The following MYO15A variants were observed in gnomAD, a reference collection of about 807,000 sequenced individuals.
The protein encoded by MYO15A is myosin XVA, also known as unconventional myosin-XV.
A neutral mutation model predicts 394.6 loss-of-function variants in MYO15A; 308 were observed. That is an observed-to-expected ratio of 0.78 (90% confidence interval 0.71 to 0.86). The LOEUF is 0.86. Among genes scored for constraint, MYO15A ranks in the 40% least tolerant of loss-of-function variants. The pLI is 0.00. For missense variants in MYO15A, 4,606 were observed against 4,799.1 expected, an observed-to-expected ratio of 0.96 and a Z score of 1.19; for synonymous variants, 1,957 against 2,003.8, an observed-to-expected ratio of 0.98 and a Z score of 0.62.
rs771434501 is a variant in MYO15A at position 18,132,450 on chromosome 17, C to G, written c.4207-3C>G. ...TCTCTGTGCCCACCTACCCACTCTACAGGCCAAAAACGAGAGGAATTACCA... is the reference window on the plus strand; with the variant it reads ...TCTCTGTGCCCACCTACCCACTCTAGAGGCCAAAAACGAGAGGAATTACCA... On this transcript the variant is annotated splice_polypyrimidine_tract_variant and splice_region_variant and intron_variant, in intron 10 of 65. Transcript: ENST00000647165. This position sits in a 1 kb window ranked among gnomAD's most constrained non-coding sequence, Gnocchi z 4.6. The G allele has an allele frequency of 3.1e-6, 5 of 1,613,592 alleles. No individual in the cohort carries two copies. Among genetic ancestry groups the G allele is most frequent in the Non-Finnish European group, 4.2e-6 (5 of 1,179,918 alleles).
At position 18,132,612 on chromosome 17, in the gene MYO15A, A is replaced by C. The variant is rs1567636016; in HGVS notation, c.4320+46A>C. 1.3e-6 allele frequency: 2 copies of C among 1,524,758 alleles called. No individual in the cohort carries two copies. Among genetic ancestry groups the C allele is most frequent in the East Asian group, 2.2e-5 (1 of 44,480 alleles). 94.5% of individuals were successfully genotyped at this position (1,524,758 alleles called of 1,614,324 possible). A position where few individuals can be genotyped will look rare whatever the true frequency, so the allele number is the denominator to read the frequency against. On this transcript the variant is annotated intron_variant, in intron 11 of 65. Transcript: ENST00000647165. This position sits in a 1 kb window ranked among gnomAD's most constrained non-coding sequence, Gnocchi z 4.6. ...GAAGGCCCCTGGCCCTGGTCCTCCC[A>C]CCCCGACGCCCCTGGCTGGGCCTTG...
In MYO15A at chr17:18,117,082, A is replaced by G. The variant is rs1189155081; in HGVS notation, c.-219-1500A>G. Among the ~76,000 whole-genome samples the G allele has an allele frequency of 1.3e-5, 2 of 152,086 alleles. No homozygotes were observed. Among genetic ancestry groups the G allele is most frequent in the Non-Finnish European group, 2.9e-5 (2 of 68,002 alleles). On this transcript the variant is annotated intron_variant, in intron 1 of 65. Coordinates refer to ENST00000647165, the MANE Select transcript of MYO15A (RefSeq NM_016239.4). This position sits in a 1 kb window ranked among gnomAD's most constrained non-coding sequence, Gnocchi z 4.1. Reference sequence around the variant, plus strand: ...TGCACGTATCCCCTAACTCGCTCCAAAAGCCCTCCATCCAATTTCTCTGGT... The same window carrying G: ...TGCACGTATCCCCTAACTCGCTCCAGAAGCCCTCCATCCAATTTCTCTGGT...
rs2046588667 is a variant in MYO15A, at chr17:18,151,844, A to G, written c.7788-2A>G. ...CCCACCACAGTACTCCAATGCCCAC[A>G]GGAAGGATGGCGGGAAAGTGTTCAT... On this transcript the variant is annotated splice_acceptor_variant, in intron 40 of 65. Coordinates refer to ENST00000647165, the MANE Select transcript of MYO15A (RefSeq NM_016239.4). LOFTEE classifies it high-confidence loss of function. 1.3e-6 allele frequency: 2 copies of G among 1,573,066 alleles called. No individual in the cohort carries two copies. Among genetic ancestry groups the G allele is most frequent in the South Asian group, 1.2e-5 (1 of 85,450 alleles).
In MYO15A at chr17:18,119,101, G is replaced by A. The variant is rs1488202625; in HGVS notation, c.301G>A (p.Gly101Ser). ...RMGKKKRAMK[G>S]KKPSFMVIRF... The stretch of plus-strand genomic sequence containing the variant: ...GGGCAAGAAGAAGCGGGCGATGAAG[G>A]GCAAGAAGCCGTCCTTCATGGTGAT... Residue 101 changes from glycine (G) to serine (S), a missense_variant, in exon 2 of 66, where the codon GGC becomes AGC. Physicochemically the swap from Gly to Ser is moderately conservative, Grantham distance 56. Around this residue, in one of 2 missense-constraint regions of MYO15A, gnomAD observed 1,830 missense variants for 1,689.7 expected, o/e 1.08. Transcript: ENST00000647165. The A allele has an allele frequency of 1.2e-6, 2 of 1,611,920 alleles. No individual in the cohort carries two copies. Among genetic ancestry groups the A allele is most frequent in the African/African-American group, 1.3e-5 (1 of 74,938 alleles).
chr17:18,164,873 C>CT lies in MYO15A; in HGVS notation c.9787+1037dup, dbSNP rs2046830054. ...AAAAAAAAAAAGCCAGGTGTGGTGGCTTGCACCTTTAATCCCAGCACTCTG... is the reference window on the plus strand; with the variant it reads ...AAAAAAAAAAAGCCAGGTGTGGTGGCTTTGCACCTTTAATCCCAGCACTCTG... On this transcript the variant is annotated intron_variant, in intron 60 of 65. Coordinates refer to ENST00000647165, the MANE Select transcript of MYO15A (RefSeq NM_016239.4). 3.6e-5 allele frequency: 5 copies of CT among 137,736 alleles called. No individual in the cohort carries two copies. The South Asian group carries it at 1.2e-3, about 34-fold the overall frequency. 8.5% of individuals were successfully genotyped at this position (137,736 alleles called of 1,614,324 possible). A position where few individuals can be genotyped will look rare whatever the true frequency, so the allele number is the denominator to read the frequency against.
At chr17:18,111,999 C>G (rs774578495) in intron 1 of MYO15A, among the ~76,000 whole-genome samples, 1 of 152,210 alleles carries the variant, frequency 6.6e-6, no homozygotes, top group Non-Finnish European at 1.5e-5. Flanking sequence ...CTCTGAGAGG[C>G]AGGTTCTTCA....
chr17:18,118,484 C>T (rs901404529), intron 1 of MYO15A, 98 bp from the exon 2 acceptor site: 3 of 421,464 alleles, frequency 7.1e-6, no homozygotes, highest in African/African-American at 6.0e-5. Context: ...GTTGCCATGA[C>T]GACTCCGAGG....
intron 60 of MYO15A, among the ~76,000 whole-genome samples, chr17:18,165,672 G>A (rs181350352): frequency 1.0e-3 from 152 of 152,318 alleles, no homozygotes; most frequent in Non-Finnish European, 1.4e-3. Context: ...TAAGTTCTAG[G>A]GATTAGGACC....
chr17:18,148,083 C>A lies in MYO15A; in HGVS notation c.6564C>A (p.Leu2188=). The part of the protein sequence containing the change: ...NGFQAVCQHR[L]MQAMGRAQQQ... Reference sequence around the variant, plus strand: ...TCCAGGCTGTGTGTCAGCACCGCCTCATGCAGGCCATGGGCCGGGCCCAAC... The same window carrying A: ...TCCAGGCTGTGTGTCAGCACCGCCTAATGCAGGCCATGGGCCGGGCCCAAC... Residue 2188 remains leucine, a synonymous_variant, in exon 31 of 66, where the codon CTC becomes CTA. Transcript: ENST00000647165. This position sits in a 1 kb window ranked among gnomAD's most constrained non-coding sequence, Gnocchi z 4.8. 6.2e-7 allele frequency: 1 copy of A among 1,613,942 alleles called. No individual in the cohort carries two copies. The highest frequency in any genetic ancestry group is 1.3e-5 in the African/African-American group (1 of 75,068).
chr17:18,163,851 A>C lies in MYO15A; in HGVS notation c.9787+13A>C, dbSNP rs1313321310. ...GTCACCAACCGTGGTGAGTGCCAGG[A>C]AGACTGAGCATGCTGGGCCCATTCC... On this transcript the variant is annotated intron_variant, in intron 60 of 65. Coordinates refer to ENST00000647165, the MANE Select transcript of MYO15A (RefSeq NM_016239.4). 1.2e-6 allele frequency: 2 copies of C among 1,611,364 alleles called. No individual in the cohort carries two copies. The highest frequency in any genetic ancestry group is 1.7e-6 in the Non-Finnish European group (2 of 1,178,470).
Position 18,119,622 on chromosome 17 carries a change from C to T in MYO15A, c.822C>T (p.Tyr274=), listed in dbSNP as rs556328163. 5 of 1,603,156 alleles carry T rather than the reference C, an allele frequency of 3.1e-6. No homozygotes were observed. Among genetic ancestry groups the T allele is most frequent in the African/African-American group, 1.3e-5 (1 of 75,014 alleles). The change falls in exon 2 of 66, where the codon TAC becomes TAT. Residue 274 remains tyrosine (Y), a synonymous_variant. Coordinates refer to ENST00000647165, the MANE Select transcript of MYO15A (RefSeq NM_016239.4). Reference sequence around the variant, plus strand: ...CCTACAGCCCGGCCTGGCCACCCTACGGCGACCACTACTACGGGTACCCGC... The same window carrying T: ...CCTACAGCCCGGCCTGGCCACCCTATGGCGACCACTACTACGGGTACCCGC... ...LGPYSPAWPP[Y]GDHYYGYPPE...
rs751800816 is a variant in MYO15A, at chr17:18,125,218, G to A, written c.3743G>A (p.Arg1248Gln). 2.4e-5 allele frequency: 39 copies of A among 1,613,982 alleles called. No individual in the cohort carries two copies. The African/African-American group carries it at 2.5e-4, about 10-fold the overall frequency. ...VLSNLKIRFE[R>Q]NLIYTYIGSI... ...TCCAACCTCAAGATTAGATTTGAAC[G>A]GAACCTCATCTACGTAAGGCCTGGG... The change falls in exon 4 of 66, where the codon CGG (arginine) becomes CAG (glutamine). Residue 1248 changes from arginine (R) to glutamine (Q), a missense_variant. Transcript: ENST00000647165.
chr17:18,155,389 G>C lies in MYO15A; in HGVS notation c.8416G>C (p.Gly2806Arg), dbSNP rs1459302647. 6.2e-7 allele frequency: 1 copy of C among 1,613,664 alleles called. No individual in the cohort carries two copies. Among genetic ancestry groups the C allele is most frequent in the Admixed American group, 1.7e-5 (1 of 60,030 alleles). The stretch of plus-strand genomic sequence containing the variant: ...CAAACTCCTGAGGATGGTCAAGGGT[G>C]GCCAGGAGGCCGGCGGGCAGCTGCG... ...GIKLLRMVKGGQEAGGQLRVL... is the reference protein window; with the variant it reads ...GIKLLRMVKGRQEAGGQLRVL... Residue 2806 changes from glycine to arginine, a missense_variant, in exon 47 of 66, where the codon GGC becomes CGC. Transcript: ENST00000647165.
At chr17:18,172,580 C>T in intron 64 of MYO15A, 1 of 479,662 alleles carries the variant, frequency 2.1e-6, no homozygotes, top group Admixed American at 3.3e-5. Flanking sequence ...TAAAAGACCA[C>T]AGACTGAGTA....
rs1311965225 is a variant in MYO15A, at chr17:18,117,966, G to A, written c.-219-616G>A. Reference sequence around the variant, plus strand: ...GAAACTGAGGCCCAGAGAGGACAAGGACTTTCCTGGACCCACACAGCCAGT... The same window carrying A: ...GAAACTGAGGCCCAGAGAGGACAAGAACTTTCCTGGACCCACACAGCCAGT... On this transcript the variant is annotated intron_variant, in intron 1 of 65. Transcript: ENST00000647165. This position sits in a 1 kb window ranked among gnomAD's most constrained non-coding sequence, Gnocchi z 4.1. Among the ~76,000 whole-genome samples the A allele has an allele frequency of 1.3e-5, 2 of 152,072 alleles. No individual in the cohort carries two copies. Among genetic ancestry groups the A allele is most frequent in the African/African-American group, 4.8e-5 (2 of 41,378 alleles).
chr17:18,126,292 G>T, intron 4 of MYO15A, 55 bp from the exon 5 acceptor site: 2 of 1,395,780 alleles, frequency 1.4e-6, no homozygotes, highest in Non-Finnish European at 1.0e-6. Flanking sequence ...AGGGGAGGGA[G>T]GGACATAGAG....
In MYO15A at chr17:18,157,141, G is replaced by T; in HGVS notation, c.8714-15G>T. 1 of 1,610,594 alleles carries T rather than the reference G, an allele frequency of 6.2e-7. No individual in the cohort carries two copies. Among genetic ancestry groups the T allele is most frequent in the Non-Finnish European group, 8.5e-7 (1 of 1,178,368 alleles). ...GGGCCTCCCTGGCAGATGCTGACCC[G>T]AGCCTGGCCCATAGGCTACAGTGCT... On this transcript the variant is annotated splice_polypyrimidine_tract_variant and intron_variant, in intron 49 of 65. Coordinates refer to ENST00000647165, the MANE Select transcript of MYO15A (RefSeq NM_016239.4).
Position 18,124,851 on chromosome 17 carries a change from G to A in MYO15A, c.3692+286G>A, listed in dbSNP as rs962273751. ...AATGGGAGTGGGATGGCTGTTGTGAGGATGCCAGCACATTGGAGGTACTCA... is the reference window on the plus strand; with the variant it reads ...AATGGGAGTGGGATGGCTGTTGTGAAGATGCCAGCACATTGGAGGTACTCA... On this transcript the variant is annotated intron_variant, in intron 3 of 65. Transcript: ENST00000647165. The A allele has an allele frequency of 8.5e-6, 5 of 585,326 alleles. No homozygotes were observed. In the African/African-American group the frequency reaches 9.3e-5, roughly 11 times the overall value. 36.3% of individuals were successfully genotyped at this position (585,326 alleles called of 1,614,324 possible).
rs2046388717 is a variant in MYO15A, at chr17:18,141,853, G to C, written c.5649+83G>C. ...TACTGAGTCAGAAATGTCCAAGCTAGAGACTGCCATCCCAGGAGCAACCCA... is the reference window on the plus strand; with the variant it reads ...TACTGAGTCAGAAATGTCCAAGCTACAGACTGCCATCCCAGGAGCAACCCA... On this transcript the variant is annotated intron_variant, in intron 23 of 65. Coordinates refer to ENST00000647165, the MANE Select transcript of MYO15A (RefSeq NM_016239.4). 2.7e-6 allele frequency: 4 copies of C among 1,458,346 alleles called. No homozygotes were observed. In the Admixed American group the frequency reaches 6.7e-5, roughly 24 times the overall value. The allele number at this position is 1,458,346 out of a possible 1,614,324, so 90.3% of individuals were successfully genotyped here. A position where few individuals can be genotyped will look rare whatever the true frequency, so the allele number is the denominator to read the frequency against.
Sources: allele counts gnomAD v4.1 joint callset (sites outside exome capture counted in the v4.1 genomes callset), GRCh38; gene constraint gnomAD v4.1.1; regional missense constraint gnomAD v4.1.1; non-coding constraint Gnocchi (gnomAD v3.1); transcripts MANE v1.5; gene names NCBI Gene and HGNC (gene_info 2026-07-23, HGNC 2026-07-21).